Variants in LIN9 observed in about 807,000 individuals in gnomAD.
LIN9 encodes protein lin-9 homolog.
LIN9 carries 18 observed loss-of-function variants against 78.0 expected under a neutral mutation model. That is an observed-to-expected ratio of 0.23 (90% CI 0.16 to 0.34). LIN9 has a LOEUF of 0.34. Among genes scored for constraint, LIN9 ranks in the 10% least tolerant of loss-of-function variants. LIN9 has a pLI of 1.00. For missense variants in LIN9, 451 were observed against 644.1 expected (o/e 0.70, Z 3.25); for synonymous variants, 192 against 215.2 (o/e 0.89, Z 0.94).
intron 7 of LIN9, among the ~76,000 whole-genome samples, chr1:226,276,695 AAGTACAATTACTC>A (rs374839649): frequency 2.5e-4 from 38 of 152,308 alleles, no homozygotes; most frequent in African/African-American, 8.9e-4. Context: ...TCAATGGTTG[AAGTACAATTACTC>A]AGTACAATTA....
chr1:226,277,959 A>C, intron 6 of LIN9, 27 bp from the exon 7 acceptor site: 1 of 1,542,776 alleles, frequency 6.5e-7, no homozygotes, highest in Admixed American at 1.8e-5. Flanking sequence ...AAAACATACA[A>C]ACTGATAACT....
chr1:226,286,278 T>C, intron 6 of LIN9, 55 bp downstream of exon 6: 1 of 1,567,082 alleles, frequency 6.4e-7, no homozygotes, highest in East Asian at 2.2e-5. Flanking sequence ...TATAAGTACA[T>C]GCACTGCTAC....
intron 1 of LIN9, among the ~76,000 whole-genome samples, chr1:226,304,815 G>C (rs1216532073): frequency 1.3e-5 from 2 of 152,100 alleles, no homozygotes; most frequent in East Asian, 3.8e-4. Flanking sequence ...TGCTCTGATG[G>C]GGCTACTAAC....
Position 226,279,769 on chromosome 1 carries a change from G to GAAA in LIN9, c.525-1840_525-1838dup, listed in dbSNP as rs372383120. Among the ~76,000 whole-genome samples the GAAA allele has an allele frequency of 1.2e-4, 11 of 93,738 alleles. No homozygotes were observed. The South Asian group carries it at 4.4e-3, about 37-fold the overall frequency. 61.5% of individuals were successfully genotyped at this position (93,738 alleles called of 152,430 possible). On this transcript the variant is annotated intron_variant, in intron 6 of 14. Transcript: ENST00000681046. ...TGGGCAACAGAGCAAGACCCAGTCT[G>GAAA]AAAAAAAAAAAAAAAAAAGGAAGGA...
At chr1:226,250,533 T>TTGTATGTA (rs376646974) in intron 11 of LIN9, among the ~76,000 whole-genome samples, 127 of 152,310 alleles carry the variant, frequency 8.3e-4, no homozygotes, top group African/African-American at 2.9e-3. Flanking sequence ...AGATTTACTG[T>TTGTATGTA]TGTATGTATG....
chr1:226,274,501 A>T (rs1660507677), intron 7 of LIN9, among the ~76,000 whole-genome samples: 1 of 152,128 alleles, frequency 6.6e-6, no homozygotes, highest in African/African-American at 2.4e-5. Context: ...AGAGTATCTT[A>T]GATCTATATT....
At chr1:226,275,976 C>G (rs1190240528) in intron 7 of LIN9, among the ~76,000 whole-genome samples, 1 of 151,774 alleles carries the variant, frequency 6.6e-6, no homozygotes, top group Non-Finnish European at 1.5e-5. Flanking sequence ...TGTAGTGAGC[C>G]GAGATCACAC....
chr1:226,281,045 T>C (rs1661017524), intron 6 of LIN9, among the ~76,000 whole-genome samples: 1 of 152,198 alleles, frequency 6.6e-6, no homozygotes, highest in Non-Finnish European at 1.5e-5. Context: ...GAATGGAATT[T>C]TAAAATATGG....
intron 11 of LIN9, 44 bp downstream of exon 11, chr1:226,250,794 TA>T: frequency 2.0e-6 from 2 of 1,008,898 alleles, no homozygotes; most frequent in Non-Finnish European, 3.0e-6. Flanking sequence ...CTCACTATTT[TA>T]AAATTAGACA....
rs542361504 is a variant in LIN9, at chr1:226,264,102, G to T, written c.1038+1431C>A. On this transcript the variant is annotated intron_variant, in intron 10 of 14. Coordinates refer to ENST00000681046, the MANE Select transcript of LIN9 (RefSeq NM_001366245.2). Reference sequence around the variant, plus strand: ...AACAAACAAATAAATAAATAAATAGGCCAGGTGCAGTCGCTCATGCCTGCA... The same window carrying T: ...AACAAACAAATAAATAAATAAATAGTCCAGGTGCAGTCGCTCATGCCTGCA... Among the ~76,000 whole-genome samples, 10 of 152,042 alleles carry T rather than the reference G, an allele frequency of 6.6e-5. No individual in the cohort carries two copies. The East Asian group carries it at 1.9e-3, about 29-fold the overall frequency.
At chr1:226,287,025 A>T (rs1351105775) in intron 5 of LIN9, among the ~76,000 whole-genome samples, 1 of 152,210 alleles carries the variant, frequency 6.6e-6, no homozygotes, top group Non-Finnish European at 1.5e-5. Context: ...AAATATGAAC[A>T]TTCATGAGAT....
rs770169450 is a variant in LIN9 at position 226,258,894 on chromosome 1, CAAAAAAAAAAAAAAA to C, written c.1038+6624_1038+6638del. 6.3e-3 allele frequency among the ~76,000 whole-genome samples: 345 copies of C among 54,786 alleles called. 12 individuals carry two copies. In the South Asian group the frequency reaches 0.16, roughly 26 times the overall value. The allele number at this position is 54,786 out of a possible 152,430, so 35.9% of individuals were successfully genotyped here. A position where few individuals can be genotyped will look rare whatever the true frequency, so the allele number is the denominator to read the frequency against. ...GTGACAGAGCAAGACTCTGTCTCAA[CAAAAAAAAAAAAAAA>C]AAAAAAAAAAAAAAAGGCATTACAT... On this transcript the variant is annotated intron_variant, in intron 10 of 14. Transcript: ENST00000681046.
At chr1:226,289,135 T>G (rs182768445) in intron 4 of LIN9, among the ~76,000 whole-genome samples, 1 of 152,026 alleles carries the variant, frequency 6.6e-6, no homozygotes, top group East Asian at 1.9e-4. Context: ...CTCAGGAGGC[T>G]GAGGCAGAAG....
At chr1:226,297,537 GAC>G (rs1213793144) in intron 3 of LIN9, among the ~76,000 whole-genome samples, 180 bp downstream of exon 3, 1 of 152,080 alleles carries the variant, frequency 6.6e-6, no homozygotes, top group East Asian at 1.9e-4. Flanking sequence ...GCTTACTGAT[GAC>G]CAGATTATCA....
chr1:226,303,809 G>T (rs1039885395), intron 1 of LIN9, among the ~76,000 whole-genome samples: 3 of 152,184 alleles, frequency 2.0e-5, no homozygotes, highest in African/African-American at 2.4e-5. Flanking sequence ...GTTTCGCCAT[G>T]TTGGCCAGGC....
intron 6 of LIN9, among the ~76,000 whole-genome samples, chr1:226,280,447 G>C (rs539974153): frequency 1.3e-5 from 2 of 152,076 alleles, no homozygotes; most frequent in African/African-American, 4.8e-5. Context: ...ATAAAGCAAA[G>C]GATAATGAGT....
At chr1:226,283,379 G>T (rs1251189849) in intron 6 of LIN9, among the ~76,000 whole-genome samples, 2 of 145,462 alleles carry the variant, frequency 1.4e-5, no homozygotes, top group Non-Finnish European at 3.0e-5. Context: ...TCCTGCCTGA[G>T]CCTCCCAAAG....
At chr1:226,251,680 T>C (rs1658846416) in intron 10 of LIN9, among the ~76,000 whole-genome samples, 2 of 152,218 alleles carry the variant, frequency 1.3e-5, no homozygotes, top group Non-Finnish European at 2.9e-5. Context: ...CTGTATTTTA[T>C]ATATCTGATT....
At chr1:226,309,664 C>G, upstream of LIN9, 1 of 1,283,740 alleles carries the variant, frequency 7.8e-7, no homozygotes, top group Non-Finnish European at 1.0e-6. Flanking sequence ...CCTCCGTCCC[C>G]TCACTTTTCC....
Sources: gnomAD v4.1 joint callset for allele counts (sites outside exome capture counted in the v4.1 genomes callset) on GRCh38, gnomAD v4.1.1 for gene constraint, MANE v1.5 for transcripts, NCBI Gene and HGNC (gene_info 2026-07-23, HGNC 2026-07-21) for gene names.